Variants in ZNF347 observed in about 807,000 individuals in gnomAD.
ZNF347 encodes CTD-2620I22.7.
A neutral mutation model predicts 12.9 loss-of-function variants in ZNF347; 19 were observed. The observed-to-expected ratio is 1.47, with a 90% CI of 1.03 to 2.16. The LOEUF (loss-of-function observed/expected upper bound fraction) is 2.16. Among genes scored for constraint, ZNF347 ranks in the 30% most tolerant of loss-of-function variants. The pLI, the probability that ZNF347 is intolerant of heterozygous loss-of-function variation, is 0.00. For synonymous variants in ZNF347, 328 were observed against 340.6 expected, an observed-to-expected ratio of 0.96 and a Z score of 0.41; for missense variants, 1,005 against 990.6, an observed-to-expected ratio of 1.01 and a Z score of -0.19.
In ZNF347 at chr19:53,142,201, CT is replaced by C. The variant is rs746895764; in HGVS notation, c.626del (p.Gln209ArgfsTer96). The C allele has an allele frequency of 6.2e-6, 10 of 1,613,848 alleles. No individual in the cohort carries two copies. The highest frequency in any genetic ancestry group is 8.5e-6 in the Non-Finnish European group (10 of 1,179,924). ...QYEGKIYECN[Q>X]VEKSFNNNSS... ...AATTATTGTTGAAAGACTTCTCAAC[CT>C]GATTACATTCATAAATTTTCCCTTC... On this transcript the variant is annotated frameshift_variant, in exon 5 of 5. Coordinates refer to ENST00000334197, the MANE Select transcript of ZNF347 (RefSeq NM_032584.3). LOFTEE classifies it low-confidence loss of function (END_TRUNC).
chr19:53,136,703 T>C lies in ZNF347; in HGVS notation c.*3605A>G, dbSNP rs2090389668. ...GCTAAAATTGCTTGATCATATTATGTAATAAACTTTTCCACAAATTCATTT... is the reference window on the plus strand; with the variant it reads ...GCTAAAATTGCTTGATCATATTATGCAATAAACTTTTCCACAAATTCATTT... On this transcript the variant is annotated 3_prime_UTR_variant, in exon 5 of 5. Coordinates refer to ENST00000334197, the MANE Select transcript of ZNF347 (RefSeq NM_032584.3). 1.3e-5 allele frequency: 2 copies of C among 152,348 alleles called. No individual in the cohort carries two copies. The highest frequency in any genetic ancestry group is 2.9e-5 in the Non-Finnish European group (2 of 68,034). The allele number at this position is 152,348 out of a possible 1,614,324, so 9.4% of individuals were successfully genotyped here.
At position 53,141,874 on chromosome 19, in the gene ZNF347, T is replaced by C. The variant is rs1454946637; in HGVS notation, c.954A>G (p.Lys318=). 1.2e-6 allele frequency: 2 copies of C among 1,613,938 alleles called. No homozygotes were observed. Among genetic ancestry groups the C allele is most frequent in the South Asian group, 1.1e-5 (1 of 91,034 alleles). ...QVIHTGEKRY[K]CNECGKVFSR... is the part of the protein sequence containing the mutation. The stretch of plus-strand genomic sequence containing the variant: ...TAAAGACCTTACCACACTCATTACA[T>C]TTGTAACGTTTTTCGCCAGTATGGA... Residue 318 remains lysine, a synonymous_variant, in exon 5 of 5, where the codon AAA becomes AAG. Transcript: ENST00000334197.
At chr19:53,143,695 C>T (rs939397196) in intron 4 of ZNF347, among the ~76,000 whole-genome samples, 33 of 152,142 alleles carry the variant, frequency 2.2e-4, no homozygotes, top group African/African-American at 7.0e-4. Flanking sequence ...CATACGTGTG[C>T]ATGTGTCTTT....
chr19:53,151,309 G>A (rs2090495521), intron 2 of ZNF347, among the ~76,000 whole-genome samples: 1 of 152,066 alleles, frequency 6.6e-6, no homozygotes. Context: ...GTCGAGGCAG[G>A]CAGATCACGA....
intron 2 of ZNF347, among the ~76,000 whole-genome samples, chr19:53,150,359 C>G (rs1265500936): frequency 6.6e-6 from 1 of 152,184 alleles, no homozygotes; most frequent in Non-Finnish European, 1.5e-5. Context: ...TCTGTTTTCA[C>G]CACATCCTCA....
chr19:53,142,664 ATTCTT>A (rs2090437733), intron 4 of ZNF347, 108 bp from the exon 5 acceptor site: 1 of 812,826 alleles, frequency 1.2e-6, no homozygotes, highest in African/African-American at 1.7e-5. Flanking sequence ...ACCAAAAGCA[ATTCTT>A]ATATTAAACA....
chr19:53,145,177 GC>G (rs1490983488), intron 4 of ZNF347, among the ~76,000 whole-genome samples: 3 of 151,344 alleles, frequency 2.0e-5, no homozygotes, highest in African/African-American at 7.3e-5. Flanking sequence ...TATAATCCTA[GC>G]TACTCGGGAG....
In ZNF347 at chr19:53,141,637, T is replaced by C. The variant is rs145023051; in HGVS notation, c.1191A>G (p.Gly397=). Reference sequence around the variant, plus strand: ...ATTCATTACATTTGTAAGGTTTTTCTCCACTGTGGGTTGCCTGATGGATAG... The same window carrying C: ...ATTCATTACATTTGTAAGGTTTTTCCCCACTGTGGGTTGCCTGATGGATAG... The part of the protein sequence containing the change: ...SLAIHQATHS[G]EKPYKCNECG... Residue 397 remains glycine, a synonymous_variant, in exon 5 of 5, where the codon GGA becomes GGG. Transcript: ENST00000334197. 6 of 1,613,970 alleles carry C rather than the reference T, an allele frequency of 3.7e-6. No homozygotes were observed. The African/African-American group carries it at 6.7e-5, about 18-fold the overall frequency.
chr19:53,148,675 T>C lies in ZNF347; in HGVS notation c.271+6A>G. The C allele has an allele frequency of 1.2e-6, 2 of 1,611,850 alleles. No individual in the cohort carries two copies. The highest frequency in any genetic ancestry group is 1.7e-6 in the Non-Finnish European group (2 of 1,178,892). On this transcript the variant is annotated splice_donor_region_variant and intron_variant, in intron 4 of 4. Coordinates refer to ENST00000334197, the MANE Select transcript of ZNF347 (RefSeq NM_032584.3). ...CGGCATTTTCTCTACCCATCTGAAC[T>C]CTTACCTGTGATCACAGCTTTGATC...
chr19:53,148,083 CT>C (rs2090474448), intron 4 of ZNF347, among the ~76,000 whole-genome samples: 1 of 152,298 alleles, frequency 6.6e-6, no homozygotes, highest in Non-Finnish European at 1.5e-5. Flanking sequence ...GAAAGCCTTT[CT>C]GCTAAGATCT....
Position 53,142,412 on chromosome 19 carries a change from T to C in ZNF347, c.416A>G (p.His139Arg), listed in dbSNP as rs764792004. ...CSFREVQKNT[H>R]GLEYQCRDAE... ...ATCTCTGCATTGATACTCAAGGCCA[T>C]GTGTATTTTTCTGGACTTCCCTGAA... is the stretch of plus-strand genomic sequence containing the variant. Residue 139 changes from histidine to arginine, a missense_variant, in exon 5 of 5, where the codon CAT (histidine) becomes CGT (arginine). By Grantham distance (29) the His-to-Arg change is conservative. Transcript: ENST00000334197. The C allele has an allele frequency of 1.2e-6, 2 of 1,614,124 alleles. No individual in the cohort carries two copies. Among genetic ancestry groups the C allele is most frequent in the East Asian group, 4.5e-5 (2 of 44,870 alleles).
chr19:53,154,548 A>G (rs981807752), intron 1 of ZNF347, among the ~76,000 whole-genome samples: 2 of 152,120 alleles, frequency 1.3e-5, no homozygotes, highest in Non-Finnish European at 2.9e-5. Context: ...GAGAACAGAA[A>G]GTTCTGGAGA....
intron 2 of ZNF347, among the ~76,000 whole-genome samples, chr19:53,151,539 A>G (rs79369242): frequency 6.6e-6 from 1 of 151,104 alleles, no homozygotes; most frequent in African/African-American, 2.4e-5. Context: ...CTGTCTAAAA[A>G]AAAAAAAAAA....
intron 4 of ZNF347, among the ~76,000 whole-genome samples, chr19:53,143,657 T>C (rs890845745): frequency 1.5e-4 from 23 of 152,248 alleles, no homozygotes; most frequent in African/African-American, 5.5e-4. Context: ...TTCCAAGTCT[T>C]TGCCATTGTG....
chr19:53,153,594 GA>G, intron 2 of ZNF347, 138 bp downstream of exon 2: 1 of 1,450,154 alleles, frequency 6.9e-7, no homozygotes, highest in East Asian at 2.3e-5. Context: ...AGATGAGAGG[GA>G]CTGAGGGAAG....
In ZNF347 at chr19:53,137,144, C is replaced by T. The variant is rs2090392037; in HGVS notation, c.*3164G>A. 6.6e-6 allele frequency: 1 copy of T among 152,186 alleles called. No individual in the cohort carries two copies. Among genetic ancestry groups the T allele is most frequent in the South Asian group, 2.1e-4 (1 of 4,830 alleles). The allele number at this position is 152,186 out of a possible 1,614,324, so 9.4% of individuals were successfully genotyped here. On this transcript the variant is annotated 3_prime_UTR_variant, in exon 5 of 5. Transcript: ENST00000334197. ...AAGGTGATCCACCTGCCTCGGGCTC[C>T]CAAAGTGCTGGGATTACAGGCATGA... is the stretch of plus-strand genomic sequence containing the variant.
intron 1 of ZNF347, among the ~76,000 whole-genome samples, chr19:53,156,384 C>T (rs8103082): frequency 0.028 from 4,165 of 150,958 alleles, 215 homozygotes; most frequent in African/African-American, 0.096. Flanking sequence ...GCCTGGACAA[C>T]AGAGCGAGAC....
chr19:53,142,249 A>G lies in ZNF347; in HGVS notation c.579T>C (p.Pro193=). Reference sequence around the variant, plus strand: ...CTTCATATTGAAAAAGCTGCAGTTCAGGCAGATGTGACTGAAGGCTTAATC... The same window carrying G: ...CTTCATATTGAAAAAGCTGCAGTTCGGGCAGATGTGACTGAAGGCTTAATC... The part of the protein sequence containing the change: ...QLGLSLQSHL[P]ELQLFQYEGK... The change falls in exon 5 of 5, where the codon CCT becomes CCC. Residue 193 remains proline, a synonymous_variant. Transcript: ENST00000334197. 1 of 1,613,634 alleles carries G rather than the reference A, an allele frequency of 6.2e-7. No individual in the cohort carries two copies. Among genetic ancestry groups the G allele is most frequent in the Non-Finnish European group, 8.5e-7 (1 of 1,179,808 alleles).
rs768544909 is a variant in ZNF347 at position 53,141,642 on chromosome 19, T to C, written c.1186A>G (p.Ser396Gly). 25 of 1,614,132 alleles carry C rather than the reference T, an allele frequency of 1.5e-5. No homozygotes were observed. Among genetic ancestry groups the C allele is most frequent in the Non-Finnish European group, 1.9e-5 (22 of 1,180,004 alleles). ...TTACATTTGTAAGGTTTTTCTCCAC[T>C]GTGGGTTGCCTGATGGATAGCTAAG... ...SSLAIHQATH[S>G]GEKPYKCNEC... is the part of the protein sequence containing the mutation. The change falls in exon 5 of 5, where the codon AGT (serine) becomes GGT (glycine). Residue 396 changes from serine to glycine, a missense_variant. By Grantham distance (56) the Ser-to-Gly change is moderately conservative. Coordinates refer to ENST00000334197, the MANE Select transcript of ZNF347 (RefSeq NM_032584.3).
Sources: gnomAD v4.1 joint callset for allele counts (sites outside exome capture counted in the v4.1 genomes callset) on GRCh38, gnomAD v4.1.1 for gene constraint, MANE v1.5 for transcripts, NCBI Gene and HGNC (gene_info 2026-07-23, HGNC 2026-07-21) for gene names.